NMNAT2: variants seen among roughly 807,000 people sequenced by gnomAD.
NMNAT2 encodes the protein nicotinamide nucleotide adenylyltransferase 2.
Under a neutral mutation model 41.6 loss-of-function variants are expected in NMNAT2, and 11 were observed. The ratio of observed to expected loss-of-function variants is 0.26; its 90% CI spans 0.17 to 0.44. The LOEUF (loss-of-function observed/expected upper bound fraction) is 0.44, where lower values mean the gene tolerates loss of function less well. Among genes scored for constraint, NMNAT2 ranks in the 20% least tolerant of loss-of-function variants. The pLI is 1.00. For synonymous variants in NMNAT2, 148 were observed against 151.2 expected (o/e 0.98, Z 0.16); for missense variants, 288 against 407.7 (o/e 0.71, Z 2.53).
intron 7 of NMNAT2, among the ~76,000 whole-genome samples, chr1:183,280,107 G>A (rs1404610260): frequency 1.3e-5 from 2 of 152,192 alleles, no homozygotes; most frequent in Non-Finnish European, 2.9e-5. Context: ...TCTGCGTTGC[G>A]CCATAGGATT....
chr1:183,391,062 A>G (rs1041074784), intron 1 of NMNAT2, among the ~76,000 whole-genome samples: 6 of 152,196 alleles, frequency 3.9e-5, no homozygotes, highest in Non-Finnish European at 7.3e-5. Flanking sequence ...TGCAGCATCA[A>G]TGAGCATAGA....
chr1:183,264,532 ACT>A (rs1200301329), intron 8 of NMNAT2, among the ~76,000 whole-genome samples: 2 of 151,984 alleles, frequency 1.3e-5, no homozygotes, highest in Non-Finnish European at 2.9e-5. Context: ...GACTGCAGAT[ACT>A]CTCTGCTCCT....
chr1:183,350,983 C>T (rs1663033858), intron 1 of NMNAT2, among the ~76,000 whole-genome samples: 1 of 152,270 alleles, frequency 6.6e-6, no homozygotes, highest in East Asian at 1.9e-4. Flanking sequence ...AATAAAATGT[C>T]GCCATGGAAT....
intron 1 of NMNAT2, among the ~76,000 whole-genome samples, chr1:183,349,416 G>T (rs1662997844): frequency 6.6e-6 from 1 of 152,236 alleles, no homozygotes; most frequent in Non-Finnish European, 1.5e-5. Flanking sequence ...CAACTCACAG[G>T]CAGCTCGATG....
chr1:183,381,986 C>G (rs1438236414), intron 1 of NMNAT2, among the ~76,000 whole-genome samples: 1 of 152,220 alleles, frequency 6.6e-6, no homozygotes, highest in Non-Finnish European at 1.5e-5. Flanking sequence ...TGCTCTGATA[C>G]AGATTACTCT....
At chr1:183,286,639 A>G (rs988936696) in intron 5 of NMNAT2, 23 bp downstream of exon 5, 6 of 1,588,860 alleles carry the variant, frequency 3.8e-6, no homozygotes, top group Non-Finnish European at 4.3e-6. Context: ...AGGTCTGAGA[A>G]TCACACATCA....
rs756817813 is a variant in NMNAT2, at chr1:183,418,282, C to T, written c.-15G>A. 1.9e-6 allele frequency: 3 copies of T among 1,613,146 alleles called. 1 individual carries two copies. The highest frequency in any genetic ancestry group is 2.2e-5 in the South Asian group (2 of 91,048). ...GTCTCGGTCATGGTGCAGATGGGTC[C>T]TTCGCGGTGGTCTAGGGGTTGCCTC... On this transcript the variant is annotated 5_prime_UTR_variant, in exon 1 of 11. Coordinates refer to ENST00000287713, the MANE Select transcript of NMNAT2 (RefSeq NM_015039.4).
intron 1 of NMNAT2, among the ~76,000 whole-genome samples, chr1:183,305,276 G>T (rs568567537): frequency 6.6e-6 from 1 of 152,112 alleles, no homozygotes; most frequent in East Asian, 1.9e-4. Context: ...ACAGACTGTG[G>T]TACTAAATAT....
In NMNAT2 at chr1:183,304,608, A is replaced by G. The variant is rs369293772; in HGVS notation, c.86-10815T>C. ...GAGACAGAATCCTGTTTTCTTGACC[A>G]TCTGCACCTCCCTCCAGCTGCCCCG... On this transcript the variant is annotated intron_variant, in intron 1 of 10. Coordinates refer to ENST00000287713, the MANE Select transcript of NMNAT2 (RefSeq NM_015039.4). 6.1e-6 allele frequency: 9 copies of G among 1,475,674 alleles called. No homozygotes were observed. The African/African-American group carries it at 1.2e-4, about 20-fold the overall frequency. The allele number at this position is 1,475,674 out of a possible 1,614,324, so 91.4% of individuals were successfully genotyped here. A position where few individuals can be genotyped will look rare whatever the true frequency, so the allele number is the denominator to read the frequency against.
At chr1:183,354,825 G>T (rs1190289385) in intron 1 of NMNAT2, among the ~76,000 whole-genome samples, 1 of 151,950 alleles carries the variant, frequency 6.6e-6, no homozygotes, top group Non-Finnish European at 1.5e-5. Flanking sequence ...ATCACCACAG[G>T]CACCACCTAC....
At chr1:183,332,710 G>A (rs901533688) in intron 1 of NMNAT2, among the ~76,000 whole-genome samples, 1 of 152,146 alleles carries the variant, frequency 6.6e-6, no homozygotes, top group Non-Finnish European at 1.5e-5. Flanking sequence ...AAGCCCAGGA[G>A]GGCCACCCCA....
chr1:183,418,371 T>A lies in NMNAT2; in HGVS notation c.-104A>T. On this transcript the variant is annotated 5_prime_UTR_variant, in exon 1 of 11. Coordinates refer to ENST00000287713, the MANE Select transcript of NMNAT2 (RefSeq NM_015039.4). ...AAGGCGAGGCTCCGGCGGTGGATGC[T>A]GTGGACTCCAAGGAGCCGCTCCAGA... The A allele has an allele frequency of 8.8e-7, 1 of 1,130,344 alleles. No individual in the cohort carries two copies. The highest frequency in any genetic ancestry group is 1.3e-6 in the Non-Finnish European group (1 of 751,604). 70.0% of individuals were successfully genotyped at this position (1,130,344 alleles called of 1,614,324 possible). A position where few individuals can be genotyped will look rare whatever the true frequency, so the allele number is the denominator to read the frequency against.
intron 5 of NMNAT2, among the ~76,000 whole-genome samples, chr1:183,286,061 T>C (rs927249364): frequency 6.6e-6 from 1 of 152,122 alleles, no homozygotes; most frequent in African/African-American, 2.4e-5. Flanking sequence ...GTTAACACAA[T>C]TATTTCTCAA....
chr1:183,284,939 G>C (rs1385777610), intron 5 of NMNAT2, 149 bp from the exon 6 acceptor site: 15 of 652,854 alleles, frequency 2.3e-5, no homozygotes, highest in Non-Finnish European at 3.7e-5. Flanking sequence ...GGAGGGTAGA[G>C]AGAAAGAACA....
At chr1:183,365,039 C>T (rs894009636) in intron 1 of NMNAT2, among the ~76,000 whole-genome samples, 1 of 152,126 alleles carries the variant, frequency 6.6e-6, no homozygotes, top group Non-Finnish European at 1.5e-5. Flanking sequence ...TCCATTTGCT[C>T]ATATTTAAAA....
intron 1 of NMNAT2, among the ~76,000 whole-genome samples, chr1:183,324,510 C>T (rs1381660646): frequency 6.6e-6 from 1 of 152,136 alleles, no homozygotes; most frequent in Non-Finnish European, 1.5e-5. Flanking sequence ...CCCAGAAGGC[C>T]CTGCATGGTT....
At chr1:183,325,321 G>A (rs1445800091) in intron 1 of NMNAT2, among the ~76,000 whole-genome samples, 1 of 152,210 alleles carries the variant, frequency 6.6e-6, no homozygotes. Flanking sequence ...CCTCTGCATA[G>A]AAAAGGAATT....
rs941770079 is a variant in NMNAT2, at chr1:183,359,566, C to T, written c.85+58617G>A. On this transcript the variant is annotated intron_variant, in intron 1 of 10. Transcript: ENST00000287713. ...GGTCTCTGAACTCTCCTTCTCTATG[C>T]GAGGTTGTACTGGCCTTGGGTAAAC... is the stretch of plus-strand genomic sequence containing the variant. 3.3e-5 allele frequency among the ~76,000 whole-genome samples: 5 copies of T among 152,180 alleles called. 1 individual carries two copies. The highest frequency in any genetic ancestry group is 4.1e-4 in the South Asian group (2 of 4,832).
chr1:183,402,842 T>C (rs1037541446), intron 1 of NMNAT2, among the ~76,000 whole-genome samples: 2 of 152,078 alleles, frequency 1.3e-5, no homozygotes, highest in Admixed American at 6.6e-5. Context: ...CATCACCTAA[T>C]TGACAAGTTG....
Sources: allele counts gnomAD v4.1 joint callset (sites outside exome capture counted in the v4.1 genomes callset), GRCh38; gene constraint gnomAD v4.1.1; transcripts MANE v1.5; gene names NCBI Gene and HGNC (gene_info 2026-07-23, HGNC 2026-07-21).